Variants in MAD2L1 observed in about 807,000 individuals in gnomAD.
MAD2L1 encodes mitotic arrest deficient 2 like 1.
A neutral mutation model predicts 25.9 loss-of-function variants in MAD2L1; 10 were observed. The ratio of observed to expected loss-of-function variants is 0.39; its 90% CI spans 0.24 to 0.66. MAD2L1 has a LOEUF of 0.66. Among genes scored for constraint, MAD2L1 ranks in the 30% least tolerant of loss-of-function variants. The pLI, the probability that MAD2L1 is intolerant of heterozygous loss-of-function variation, is 0.49. For missense variants in MAD2L1, 180 were observed against 246.4 expected (o/e 0.73, Z 1.80); for synonymous variants, 81 against 91.8 (o/e 0.88, Z 0.67).
Position 120,057,379 on chromosome 4 carries a change from T to C in MAD2L1, c.*2739A>G, listed in dbSNP as rs1239106078. Reference sequence around the variant, plus strand: ...AGTGTGAAAAAGCTGGCCTTCAGAGTCCTGACTAACCAATGTCCCTCCAAC... The same window carrying C: ...AGTGTGAAAAAGCTGGCCTTCAGAGCCCTGACTAACCAATGTCCCTCCAAC... On this transcript the variant is annotated 3_prime_UTR_variant, in exon 5 of 5. Transcript: ENST00000296509. 6.6e-6 allele frequency: 1 copy of C among 152,128 alleles called. No individual in the cohort carries two copies. Among genetic ancestry groups the C allele is most frequent in the Admixed American group, 6.6e-5 (1 of 15,256 alleles). 9.4% of individuals were successfully genotyped at this position (152,128 alleles called of 1,614,324 possible).
At chr4:120,063,398 T>A (rs974487899) in intron 2 of MAD2L1, among the ~76,000 whole-genome samples, 1 of 152,230 alleles carries the variant, frequency 6.6e-6, no homozygotes, top group African/African-American at 2.4e-5. Context: ...TTTAGGCTTA[T>A]TGGCCACCAA....
In MAD2L1 at chr4:120,055,683, T is replaced by C. The variant is rs1726096834; in HGVS notation, c.*4435A>G. The stretch of plus-strand genomic sequence containing the variant: ...AAAATAACTAGAAATATTTCATACA[T>C]TTAAAAAAAGAATAAGAAATTATTT... On this transcript the variant is annotated 3_prime_UTR_variant, in exon 5 of 5. Transcript: ENST00000296509. The C allele has an allele frequency of 6.6e-6, 1 of 152,092 alleles. No homozygotes were observed. Among genetic ancestry groups the C allele is most frequent in the Admixed American group, 6.5e-5 (1 of 15,278 alleles). 9.4% of individuals were successfully genotyped at this position (152,092 alleles called of 1,614,324 possible).
At chr4:120,062,270 AGTATCT>A (rs1409510682) in intron 2 of MAD2L1, among the ~76,000 whole-genome samples, 175 bp from the exon 3 acceptor site, 8 of 152,208 alleles carry the variant, frequency 5.3e-5, no homozygotes, top group Admixed American at 1.3e-4. Context: ...TCAAATTCTC[AGTATCT>A]GTATCAGGTA....
At position 120,066,644 on chromosome 4, in the gene MAD2L1, G is replaced by A; in HGVS notation, c.73+18C>T. 1 of 1,596,544 alleles carries A rather than the reference G, an allele frequency of 6.3e-7. No homozygotes were observed. Among genetic ancestry groups the A allele is most frequent in the Non-Finnish European group, 8.6e-7 (1 of 1,167,758 alleles). On this transcript the variant is annotated intron_variant, in intron 1 of 4. Coordinates refer to ENST00000296509, the MANE Select transcript of MAD2L1 (RefSeq NM_002358.4). ...CGACTCCGTTCCCCCCGATATATTG[G>A]CCTGCGCGAGAACTTACAGAAGAAC...
Position 120,062,467 on chromosome 4 carries a change from T to C in MAD2L1, c.221-372A>G, listed in dbSNP as rs537257450. On this transcript the variant is annotated intron_variant, in intron 2 of 4. Coordinates refer to ENST00000296509, the MANE Select transcript of MAD2L1 (RefSeq NM_002358.4). ...ATGAGAGCATAAAAAAAGGAAAATT[T>C]GAGCCACTCAGGGAGGTCAGAAAAG... Among the ~76,000 whole-genome samples, 30 of 152,290 alleles carry C rather than the reference T, an allele frequency of 2.0e-4. No individual in the cohort carries two copies. The South Asian group carries it at 6.2e-3, about 32-fold the overall frequency.
chr4:120,060,974 T>C lies in MAD2L1; in HGVS notation c.345A>G (p.Ala115=), dbSNP rs778506790. 2 of 1,592,864 alleles carry C rather than the reference T, an allele frequency of 1.3e-6. No individual in the cohort carries two copies. The highest frequency in any genetic ancestry group is 2.2e-5 in the South Asian group (2 of 90,168). Residue 115 remains alanine, a synonymous_variant, in exon 4 of 5, where the codon GCA becomes GCG. Coordinates refer to ENST00000296509, the MANE Select transcript of MAD2L1 (RefSeq NM_002358.4). ...TAGCTTTCTGAGACTTTTCTCTGGG[T>C]GCACTGTCAAAAAAAAATCAAATCA... is the stretch of plus-strand genomic sequence containing the variant. ...ECDKTAKDDS[A]PREKSQKAIQ...
chr4:120,062,699 CA>C (rs754344881), intron 2 of MAD2L1, among the ~76,000 whole-genome samples: 2 of 152,044 alleles, frequency 1.3e-5, no homozygotes, highest in Non-Finnish European at 2.9e-5. Context: ...CCTGGTGGAT[CA>C]AATTAAAAAA....
In MAD2L1 at chr4:120,058,860, A is replaced by G. The variant is rs1726157068; in HGVS notation, c.*1258T>C. On this transcript the variant is annotated 3_prime_UTR_variant, in exon 5 of 5. Transcript: ENST00000296509. ...ATTTCTGAATGAACAGATTCAGACT[A>G]TGTGCAATTACTTAAAAATAGTGAA... The G allele has an allele frequency of 6.6e-6, 1 of 152,226 alleles. No homozygotes were observed. 9.4% of individuals were successfully genotyped at this position (152,226 alleles called of 1,614,324 possible). A position where few individuals can be genotyped will look rare whatever the true frequency, so the allele number is the denominator to read the frequency against.
At chr4:120,066,594 GAGC>G (rs1726325397) in intron 1 of MAD2L1, 65 bp downstream of exon 1, 1 of 1,407,860 alleles carries the variant, frequency 7.1e-7, no homozygotes, top group African/African-American at 1.4e-5. Context: ...ATCAGAGGCC[GAGC>G]TGTGGGCCTA....
Position 120,066,762 on chromosome 4 carries a change from C to A in MAD2L1, c.-28G>T, listed in dbSNP as rs1304402039. ...CCAGGGACACAAACAAAAGCACGCG[C>A]TTCCACTCCGCGGACAGCAACCACA... On this transcript the variant is annotated 5_prime_UTR_variant, in exon 1 of 5. Transcript: ENST00000296509. The A allele has an allele frequency of 6.4e-7, 1 of 1,561,618 alleles. No individual in the cohort carries two copies. The highest frequency in any genetic ancestry group is 1.1e-5 in the South Asian group (1 of 88,022).
In MAD2L1 at chr4:120,055,849, G is replaced by A. The variant is rs1726099475; in HGVS notation, c.*4269C>T. On this transcript the variant is annotated 3_prime_UTR_variant, in exon 5 of 5. Transcript: ENST00000296509. ...TTACTCTGTAGACAATATAGATTAG[G>A]CATAGGATAAAATCCTCTGTATTTG... 6.6e-6 allele frequency: 1 copy of A among 152,116 alleles called. No homozygotes were observed. 9.4% of individuals were successfully genotyped at this position (152,116 alleles called of 1,614,324 possible).
At position 120,060,981 on chromosome 4, in the gene MAD2L1, T is replaced by C; in HGVS notation, c.342-4A>G. 6.4e-7 allele frequency: 1 copy of C among 1,563,686 alleles called. No individual in the cohort carries two copies. The highest frequency in any genetic ancestry group is 1.1e-5 in the South Asian group (1 of 89,116). ...CTGAGACTTTTCTCTGGGTGCACTGTCAAAAAAAAATCAAATCAATTAATT... is the reference window on the plus strand; with the variant it reads ...CTGAGACTTTTCTCTGGGTGCACTGCCAAAAAAAAATCAAATCAATTAATT... On this transcript the variant is annotated splice_region_variant and splice_polypyrimidine_tract_variant and intron_variant, in intron 3 of 4. Transcript: ENST00000296509.
chr4:120,060,553 A>G (rs1578459530), intron 4 of MAD2L1, among the ~76,000 whole-genome samples: 1 of 152,184 alleles, frequency 6.6e-6, no homozygotes, highest in Non-Finnish European at 1.5e-5. Flanking sequence ...TAGTGATGCC[A>G]GCATATTGTT....
intron 1 of MAD2L1, 50 bp downstream of exon 1, chr4:120,066,612 G>A (rs1398873196): frequency 6.5e-7 from 1 of 1,526,748 alleles, no homozygotes; most frequent in African/African-American, 1.4e-5. Context: ...GGCCTACTGA[G>A]CCGTCACGAC....
rs1578458978 is a variant in MAD2L1 at position 120,059,329 on chromosome 4, T to C, written c.*789A>G. On this transcript the variant is annotated 3_prime_UTR_variant, in exon 5 of 5. Coordinates refer to ENST00000296509, the MANE Select transcript of MAD2L1 (RefSeq NM_002358.4). ...CTCACTCAACTTTGGACCCTTAAGTTCTATAACTTCGTAGGAACAAGAATT... is the reference window on the plus strand; with the variant it reads ...CTCACTCAACTTTGGACCCTTAAGTCCTATAACTTCGTAGGAACAAGAATT... 3 of 152,170 alleles carry C rather than the reference T, an allele frequency of 2.0e-5. No homozygotes were observed. The East Asian group carries it at 5.8e-4, about 29-fold the overall frequency. The allele number at this position is 152,170 out of a possible 1,614,324, so 9.4% of individuals were successfully genotyped here. A position where few individuals can be genotyped will look rare whatever the true frequency, so the allele number is the denominator to read the frequency against.
chr4:120,066,634 C>G, intron 1 of MAD2L1, 28 bp downstream of exon 1: 1 of 1,584,806 alleles, frequency 6.3e-7, no homozygotes, highest in Non-Finnish European at 8.6e-7. Flanking sequence ...CCGTTCCCCC[C>G]GATATATTGG....
At chr4:120,063,696 T>C (rs750808827) in intron 2 of MAD2L1, among the ~76,000 whole-genome samples, 8 of 152,038 alleles carry the variant, frequency 5.3e-5, no homozygotes, top group Non-Finnish European at 8.8e-5. Flanking sequence ...TAGAGGAAAT[T>C]ACATTCAAAA....
At position 120,058,127 on chromosome 4, in the gene MAD2L1, GAT is replaced by G. The variant is rs1726141396; in HGVS notation, c.*1989_*1990del. Reference sequence around the variant, plus strand: ...CTGCCTCGGCCTCCCAAAGTGCTGGGATTACAGGCGCGAGCCACTGCGCCCAG... The same window carrying G: ...CTGCCTCGGCCTCCCAAAGTGCTGGGTACAGGCGCGAGCCACTGCGCCCAG... On this transcript the variant is annotated 3_prime_UTR_variant, in exon 5 of 5. Coordinates refer to ENST00000296509, the MANE Select transcript of MAD2L1 (RefSeq NM_002358.4). 1 of 152,186 alleles carries G rather than the reference GAT, an allele frequency of 6.6e-6. No homozygotes were observed. The highest frequency in any genetic ancestry group is 2.4e-5 in the African/African-American group (1 of 41,436). The allele number at this position is 152,186 out of a possible 1,614,324, so 9.4% of individuals were successfully genotyped here. A position where few individuals can be genotyped will look rare whatever the true frequency, so the allele number is the denominator to read the frequency against.
In MAD2L1 at chr4:120,059,765, T is replaced by C. The variant is rs1186037343; in HGVS notation, c.*353A>G. The C allele has an allele frequency of 6.0e-6, 1 of 166,984 alleles. No individual in the cohort carries two copies. Among genetic ancestry groups the C allele is most frequent in the African/African-American group, 2.4e-5 (1 of 41,962 alleles). 10.3% of individuals were successfully genotyped at this position (166,984 alleles called of 1,614,324 possible). On this transcript the variant is annotated 3_prime_UTR_variant, in exon 5 of 5. Transcript: ENST00000296509. ...TACTTAAATATCTCCCTACCTATAC[T>C]GAGTCAAACTACTTGACCAAAACAT...
Sources: allele counts gnomAD v4.1 joint callset (sites outside exome capture counted in the v4.1 genomes callset), GRCh38; gene constraint gnomAD v4.1.1; transcripts MANE v1.5; gene names NCBI Gene and HGNC (gene_info 2026-07-23, HGNC 2026-07-21).